Variants in TTC21B observed in about 807,000 individuals in gnomAD.
TTC21B encodes the protein tetratricopeptide repeat domain 21B.
In TTC21B, 127 loss-of-function variants were observed where a neutral mutation model predicts 175.1. The ratio of observed to expected loss-of-function variants is 0.73; its 90% CI spans 0.63 to 0.84. The LOEUF is 0.84. Among genes scored for constraint, TTC21B ranks in the 40% least tolerant of loss-of-function variants. The probability of loss-of-function intolerance (pLI) is 0.00; values close to 1 mark genes in which losing one functional copy is unlikely to be tolerated. For missense variants in TTC21B, 1,561 were observed against 1,558.3 expected, an observed-to-expected ratio of 1.00 and a Z score of -0.03; for synonymous variants, 524 against 524.5, an observed-to-expected ratio of 1.00 and a Z score of 0.01.
At chr2:165,932,292 C>T (rs1384711722) in intron 7 of TTC21B, among the ~76,000 whole-genome samples, 4 of 152,080 alleles carry the variant, frequency 2.6e-5, no homozygotes, top group African/African-American at 9.7e-5. Context: ...CATTACAGTA[C>T]TTAGTATAAG....
In TTC21B at chr2:165,899,827, G is replaced by A; in HGVS notation, c.2811C>T (p.Cys937=). 6.2e-7 allele frequency: 1 copy of A among 1,614,042 alleles called. No individual in the cohort carries two copies. Among genetic ancestry groups the A allele is most frequent in the Non-Finnish European group, 8.5e-7 (1 of 1,179,956 alleles). The change falls in exon 21 of 29, where the codon TGC becomes TGT. Residue 937 remains cysteine (C), a synonymous_variant. Coordinates refer to ENST00000243344, the MANE Select transcript of TTC21B (RefSeq NM_024753.5). ...GAAGCAGTAGAGCACACTGCCGCAG[G>A]CAGGAATCAGGGTCATCTTGTGCCA... ...LYLAQDDPDS[C]LRQCALLLQS... is the part of the protein sequence containing the mutation.
At position 165,881,179 on chromosome 2, in the gene TTC21B, T is replaced by C. The variant is rs77434596; in HGVS notation, c.3685-380A>G. 1.8e-3 allele frequency among the ~76,000 whole-genome samples: 273 copies of C among 152,274 alleles called. 6 individuals are homozygous for C. The East Asian group carries it at 0.046, about 26-fold the overall frequency. On this transcript the variant is annotated intron_variant, in intron 26 of 28. Transcript: ENST00000243344. The stretch of plus-strand genomic sequence containing the variant: ...TTTGACTAATACTGTTTCACCTCTA[T>C]CTCACAAACCTACCCTTCTGTATTA...
At chr2:165,929,429 A>G in intron 10 of TTC21B, 94 bp from the exon 11 acceptor site, 1 of 1,079,930 alleles carries the variant, frequency 9.3e-7, no homozygotes, top group Non-Finnish European at 1.4e-6. Flanking sequence ...TGCTACTGAT[A>G]TGCAATTATT....
chr2:165,949,548 A>T, intron 2 of TTC21B, 44 bp from the exon 3 acceptor site: 1 of 1,613,820 alleles, frequency 6.2e-7, no homozygotes, highest in Non-Finnish European at 8.5e-7. Flanking sequence ...CTTAGTGCAA[A>T]GCAAGAATTT....
intron 22 of TTC21B, among the ~76,000 whole-genome samples, chr2:165,894,911 G>A (rs960133304): frequency 1.3e-5 from 2 of 152,088 alleles, no homozygotes; most frequent in Admixed American, 6.6e-5. Context: ...CAAAGTAACC[G>A]AGGATTAGGG....
At chr2:165,900,137 C>T (rs1685508205) in intron 20 of TTC21B, among the ~76,000 whole-genome samples, 1 of 149,788 alleles carries the variant, frequency 6.7e-6, no homozygotes, top group Admixed American at 6.7e-5. Context: ...GTGAAAAGAA[C>T]ACTGGTCTTA....
At chr2:165,890,769 A>G in intron 23 of TTC21B, 69 bp downstream of exon 23, 2 of 1,561,226 alleles carry the variant, frequency 1.3e-6, no homozygotes, top group Non-Finnish European at 1.8e-6. Flanking sequence ...ACTACAAAGA[A>G]AAGCTTATTC....
chr2:165,886,752 T>G (rs1685010293), intron 25 of TTC21B, among the ~76,000 whole-genome samples: 1 of 152,174 alleles, frequency 6.6e-6, no homozygotes, highest in African/African-American at 2.4e-5. Flanking sequence ...ACGGATTTAG[T>G]CAAAATAAAC....
chr2:165,911,792 A>G (rs1249275182), intron 17 of TTC21B, among the ~76,000 whole-genome samples: 1 of 151,842 alleles, frequency 6.6e-6, no homozygotes, highest in East Asian at 1.9e-4. Context: ...CCTCCCAAGT[A>G]GCTGGGATTA....
chr2:165,888,584 T>G, intron 24 of TTC21B, 110 bp from the exon 25 acceptor site: 1 of 778,884 alleles, frequency 1.3e-6, no homozygotes, highest in Non-Finnish European at 2.1e-6. Context: ...TTATACTCTT[T>G]TTGTCACTCA....
At chr2:165,901,429 T>C (rs1685554745) in intron 20 of TTC21B, among the ~76,000 whole-genome samples, 1 of 152,084 alleles carries the variant, frequency 6.6e-6, no homozygotes, top group African/African-American at 2.4e-5. Context: ...CAAGCGATTC[T>C]CCTGCCTTAG....
chr2:165,893,985 T>C (rs1006174651), intron 22 of TTC21B, among the ~76,000 whole-genome samples: 6 of 152,190 alleles, frequency 3.9e-5, no homozygotes, highest in Non-Finnish European at 7.3e-5. Flanking sequence ...AGCACTAACT[T>C]AAATTTTAAG....
intron 12 of TTC21B, among the ~76,000 whole-genome samples, chr2:165,922,352 A>C (rs1686442804): frequency 6.6e-6 from 1 of 151,978 alleles, no homozygotes; most frequent in Non-Finnish European, 1.5e-5. Context: ...TAATTTCCAC[A>C]ATCTATAGGG....
rs550351695 is a variant in TTC21B at position 165,938,858 on chromosome 2, T to A, written c.710+2169A>T. Among the ~76,000 whole-genome samples, 31 of 152,238 alleles carry A rather than the reference T, an allele frequency of 2.0e-4. No homozygotes were observed. In the South Asian group the frequency reaches 6.4e-3, roughly 32 times the overall value. Reference sequence around the variant, plus strand: ...AACCAATCACCATATGTGGACTTATTTGGATCCTGATTAAAAAATAATTTA... The same window carrying A: ...AACCAATCACCATATGTGGACTTATATGGATCCTGATTAAAAAATAATTTA... On this transcript the variant is annotated intron_variant, in intron 6 of 28. Transcript: ENST00000243344.
intron 25 of TTC21B, among the ~76,000 whole-genome samples, chr2:165,885,392 C>T (rs1214509064): frequency 1.3e-5 from 2 of 152,138 alleles, no homozygotes; most frequent in African/African-American, 4.8e-5. Flanking sequence ...AACTTCCTTG[C>T]CTCAAATTCT....
rs751390551 is a variant in TTC21B, at chr2:165,876,210, G to C, written c.3828C>G (p.Tyr1276Ter). 3 of 1,596,002 alleles carry C rather than the reference G, an allele frequency of 1.9e-6. No homozygotes were observed. Residue 1276 changes from tyrosine (Y) to a stop codon, truncating the protein, a stop_gained, in exon 28 of 29, where the codon TAC (tyrosine) becomes TAG (stop). Coordinates refer to ENST00000243344, the MANE Select transcript of TTC21B (RefSeq NM_024753.5). LOFTEE classifies it high-confidence loss of function. Reference protein sequence around the residue: ...PAVGYKLAFNYLKAKRYVDSI... With the variant: ...PAVGYKLAFN Reference sequence around the variant, plus strand: ...AATCCACATATCTTTTTGCTTTTAAGTAATTAAATGCCAGTTTGTATCCTG... The same window carrying C: ...AATCCACATATCTTTTTGCTTTTAACTAATTAAATGCCAGTTTGTATCCTG...
intron 27 of TTC21B, among the ~76,000 whole-genome samples, chr2:165,878,080 C>T (rs1386248035): frequency 6.6e-6 from 1 of 152,140 alleles, no homozygotes; most frequent in Non-Finnish European, 1.5e-5. Flanking sequence ...AACAACTCCT[C>T]CCTCTAACTC....
intron 22 of TTC21B, among the ~76,000 whole-genome samples, chr2:165,891,418 T>C (rs985047368): frequency 1.3e-5 from 2 of 152,154 alleles, no homozygotes; most frequent in African/African-American, 2.4e-5. Context: ...AACAGTACAA[T>C]TGACAAATAA....
intron 5 of TTC21B, among the ~76,000 whole-genome samples, chr2:165,942,373 T>C (rs948928525): frequency 2.0e-5 from 3 of 152,180 alleles, no homozygotes; most frequent in Non-Finnish European, 4.4e-5. Context: ...CTTAAATATT[T>C]CCATCCATCA....
Sources: allele counts gnomAD v4.1 joint callset (sites outside exome capture counted in the v4.1 genomes callset), GRCh38; gene constraint gnomAD v4.1.1; transcripts MANE v1.5; gene names NCBI Gene and HGNC (gene_info 2026-07-23, HGNC 2026-07-21).